Variants in CHAT observed in about 807,000 individuals in gnomAD.
The protein encoded by CHAT is acetyl CoA:choline O-acetyltransferase.
Under a neutral mutation model 76.9 loss-of-function variants are expected in CHAT, and 61 were observed. The ratio of observed to expected loss-of-function variants is 0.79; its 90% CI spans 0.65 to 0.98. CHAT has a LOEUF of 0.98. Ranked by LOEUF, CHAT falls within the 50% of genes least tolerant of loss-of-function variation. The probability of loss-of-function intolerance (pLI) is 0.00; values close to 1 mark genes in which losing one functional copy is unlikely to be tolerated. For synonymous variants in CHAT, 407 were observed against 397.4 expected (o/e 1.02, Z -0.29); for missense variants, 946 against 986.9 (o/e 0.96, Z 0.56).
chr10:49,627,235 G>T (rs1216423892), intron 6 of CHAT, among the ~76,000 whole-genome samples: 1 of 152,194 alleles, frequency 6.6e-6, no homozygotes, highest in East Asian at 1.9e-4. Flanking sequence ...TAAGCCTCAG[G>T]CTAAAATATG....
At chr10:49,611,744 T>G (rs1262691750), upstream of CHAT, 15 of 1,604,578 alleles carry the variant, frequency 9.3e-6, no homozygotes, top group Non-Finnish European at 1.3e-5. Context: ...CTGCCGGCCT[T>G]CGTGCCTCAT....
chr10:49,662,579 A>G, intron 13 of CHAT, 66 bp from the exon 14 acceptor site: 4 of 1,600,016 alleles, frequency 2.5e-6, no homozygotes, highest in Non-Finnish European at 3.4e-6. Flanking sequence ...TAGACTACAG[A>G]GCAGGGAACA....
chr10:49,659,997 C>A (rs574613440), intron 13 of CHAT, among the ~76,000 whole-genome samples: 2 of 152,286 alleles, frequency 1.3e-5, no homozygotes, highest in South Asian at 4.2e-4. Context: ...CACTACATGA[C>A]CCAGCTGTGA....
In CHAT at chr10:49,662,688, G is replaced by A. The variant is rs114545628; in HGVS notation, c.1883G>A (p.Arg628Gln). 1,124 of 1,614,188 alleles carry A rather than the reference G, an allele frequency of 7.0e-4. No individual in the cohort carries two copies. The highest frequency in any genetic ancestry group is 9.1e-4 in the Non-Finnish European group (1,077 of 1,180,024). The change falls in exon 14 of 15, where the codon CGG becomes CAG. Residue 628 changes from arginine (R) to glutamine (Q), a missense_variant. Arg to Gln is a conservative substitution (Grantham distance 43). This residue lies in a region of CHAT where 349 missense variants were observed against 393.9 expected (regional missense o/e 0.89). Coordinates refer to ENST00000337653, the MANE Select transcript of CHAT (RefSeq NM_020549.5). ...MAIDNHLLAL[R>Q]ELARAMCKEL... Reference sequence around the variant, plus strand: ...ATTGACAACCACCTGCTGGCACTGCGGGAGCTGGCCCGGGCCATGTGCAAG... The same window carrying A: ...ATTGACAACCACCTGCTGGCACTGCAGGAGCTGGCCCGGGCCATGTGCAAG...
upstream of CHAT, chr10:49,611,107 A>C: frequency 6.2e-7 from 1 of 1,613,970 alleles, no homozygotes; most frequent in Non-Finnish European, 8.5e-7. Flanking sequence ...CGAAGACGTG[A>C]AGATCGGGGT....
Position 49,614,346 on chromosome 10 carries a change from G to C in CHAT, c.157G>C (p.Gly53Arg), listed in dbSNP as rs968331105. The change falls in exon 1 of 15, where the codon GGG (glycine) becomes CGG (arginine). Residue 53 changes from glycine to arginine, a missense_variant. Around this residue, in one of 3 missense-constraint regions of CHAT, gnomAD observed 548 missense variants for 516.2 expected, o/e 1.06. Coordinates refer to ENST00000337653, the MANE Select transcript of CHAT (RefSeq NM_020549.5). ...CCCGGGCGACGTCGGAGGCCCTGCCGGGAACCCAGGCTGCAGCCCCCACCC... is the reference window on the plus strand; with the variant it reads ...CCCGGGCGACGTCGGAGGCCCTGCCCGGAACCCAGGCTGCAGCCCCCACCC... The part of the protein sequence containing the change: ...GDPGDVGGPA[G>R]NPGCSPHPRA... 18 of 1,546,434 alleles carry C rather than the reference G, an allele frequency of 1.2e-5. No individual in the cohort carries two copies. The highest frequency in any genetic ancestry group is 1.6e-5 in the Non-Finnish European group (18 of 1,145,786).
upstream of CHAT, chr10:49,610,445 G>A: frequency 2.8e-6 from 1 of 351,214 alleles, no homozygotes; most frequent in Middle Eastern, 7.3e-4. Flanking sequence ...CGCGCCCCGG[G>A]CGAAGTGCGC....
At chr10:49,652,406 C>A (rs1839909030) in intron 11 of CHAT, among the ~76,000 whole-genome samples, 2 of 152,182 alleles carry the variant, frequency 1.3e-5, no homozygotes, top group African/African-American at 4.8e-5. Flanking sequence ...GAAATGGAAC[C>A]AGCAGCTCCC....
At chr10:49,663,939 A>G (rs1346553950) in intron 14 of CHAT, among the ~76,000 whole-genome samples, 6 of 152,196 alleles carry the variant, frequency 3.9e-5, no homozygotes, top group African/African-American at 1.4e-4. Context: ...TAGCAAGACT[A>G]ATGGTTTGTT....
chr10:49,623,159 G>A lies in CHAT; in HGVS notation c.752+1009G>A, dbSNP rs544035347. On this transcript the variant is annotated intron_variant, in intron 5 of 14. Transcript: ENST00000337653. ...GTCTTTGGTCTCTCCCTTCTTCGTGGACAGCATTCTATTTCCTCCCAGAAC... is the reference window on the plus strand; with the variant it reads ...GTCTTTGGTCTCTCCCTTCTTCGTGAACAGCATTCTATTTCCTCCCAGAAC... Among the ~76,000 whole-genome samples the A allele has an allele frequency of 1.4e-3, 213 of 152,230 alleles. 1 individual carries two copies. Among genetic ancestry groups the A allele is most frequent in the Admixed American group, 4.8e-3 (73 of 15,298 alleles).
intron 7 of CHAT, among the ~76,000 whole-genome samples, chr10:49,628,797 A>C (rs1168229835): frequency 1.3e-5 from 2 of 152,282 alleles, no homozygotes; most frequent in African/African-American, 4.8e-5. Flanking sequence ...CCAGGCAGGC[A>C]GACCAACCCT....
intron 5 of CHAT, among the ~76,000 whole-genome samples, chr10:49,624,513 C>G (rs553180498): frequency 1.4e-4 from 22 of 152,326 alleles, no homozygotes; most frequent in African/African-American, 4.8e-4. Flanking sequence ...TGCCAACACT[C>G]TGTCTCACTA....
chr10:49,618,879 C>T (rs1268080691), intron 2 of CHAT, among the ~76,000 whole-genome samples: 1 of 152,120 alleles, frequency 6.6e-6, no homozygotes, highest in East Asian at 1.9e-4. Context: ...GCCAGTTGTT[C>T]CCCCATTTAA....
chr10:49,613,662 G>A (rs528470587), upstream of CHAT, among the ~76,000 whole-genome samples: 8 of 152,170 alleles, frequency 5.3e-5, no homozygotes, highest in East Asian at 1.5e-3. Flanking sequence ...TGCTATTTCT[G>A]TGTGGGGGTC....
intron 7 of CHAT, among the ~76,000 whole-genome samples, chr10:49,644,807 A>G (rs1839605766): frequency 6.6e-6 from 1 of 152,210 alleles, no homozygotes; most frequent in South Asian, 2.1e-4. Context: ...ACCTGGGCAG[A>G]GCGAAGACCA....
At chr10:49,622,213 A>G in intron 5 of CHAT, 63 bp downstream of exon 5, 1 of 1,542,708 alleles carries the variant, frequency 6.5e-7, no homozygotes, top group South Asian at 1.1e-5. Flanking sequence ...TCTCCCTTGC[A>G]GGGACCTTGT....
intron 13 of CHAT, among the ~76,000 whole-genome samples, chr10:49,661,721 CT>C (rs2132850131): frequency 6.6e-6 from 1 of 152,222 alleles, no homozygotes; most frequent in African/African-American, 2.4e-5. Context: ...GGGTGGCCCC[CT>C]GAGTCTCCAT....
chr10:49,624,781 T>C (rs1838856990), intron 5 of CHAT, among the ~76,000 whole-genome samples: 2 of 151,340 alleles, frequency 1.3e-5, no homozygotes, highest in South Asian at 4.2e-4. Context: ...GGTGGATAGA[T>C]GGGTGGATGG....
chr10:49,658,892 A>C (rs963874676), intron 13 of CHAT, among the ~76,000 whole-genome samples: 2 of 152,252 alleles, frequency 1.3e-5, no homozygotes, highest in Non-Finnish European at 2.9e-5. Flanking sequence ...GGTAGAAAAA[A>C]ATTCAGTGGA....
Sources: gnomAD v4.1 joint callset for allele counts (sites outside exome capture counted in the v4.1 genomes callset) on GRCh38, gnomAD v4.1.1 for gene constraint, gnomAD v4.1.1 regional missense constraint, MANE v1.5 for transcripts, NCBI Gene and HGNC (gene_info 2026-07-23, HGNC 2026-07-21) for gene names.